Variants in PLEKHA7 observed in about 807,000 individuals in gnomAD.
PLEKHA7 encodes the protein pleckstrin homology domain-containing family A member 7.
A neutral mutation model predicts 170.0 loss-of-function variants in PLEKHA7; 104 were observed. The observed-to-expected ratio is 0.61, with a 90% CI of 0.52 to 0.72. The LOEUF (loss-of-function observed/expected upper bound fraction) is 0.72. Among genes scored for constraint, PLEKHA7 ranks in the 30% least tolerant of loss-of-function variants. The pLI, the probability that PLEKHA7 is intolerant of heterozygous loss-of-function variation, is 0.00. For synonymous variants in PLEKHA7, 648 were observed against 660.8 expected (o/e 0.98, Z 0.30); for missense variants, 1,615 against 1,671.7 (o/e 0.97, Z 0.59).
In PLEKHA7 at chr11:16,869,112, C is replaced by T. The variant is rs1216770396; in HGVS notation, c.305+1987G>A. ...ATTCTATAAACAAATTCATTCTGAG[C>T]GGAATTTGGGGAATCCACATATCCT... is the stretch of plus-strand genomic sequence containing the variant. On this transcript the variant is annotated intron_variant, in intron 4 of 26. Coordinates refer to ENST00000531066, the MANE Select transcript of PLEKHA7 (RefSeq NM_001329630.2). 2.0e-5 allele frequency among the ~76,000 whole-genome samples: 3 copies of T among 152,298 alleles called. No individual in the cohort carries two copies. In the East Asian group the frequency reaches 5.8e-4, roughly 29 times the overall value.
chr11:16,955,535 C>T (rs1007723848), intron 3 of PLEKHA7, among the ~76,000 whole-genome samples: 5 of 152,110 alleles, frequency 3.3e-5, no homozygotes, highest in Non-Finnish European at 5.9e-5. Flanking sequence ...TAGGTGTTTG[C>T]GTTAATCAAA....
In PLEKHA7 at chr11:16,789,434, G is replaced by C; in HGVS notation, c.3157-138C>G. Reference sequence around the variant, plus strand: ...TCTAGTTGGGCTCCTCTTGGCCTTAGAGAACTATTTCCTCTAAGCAACACG... The same window carrying C: ...TCTAGTTGGGCTCCTCTTGGCCTTACAGAACTATTTCCTCTAAGCAACACG... On this transcript the variant is annotated intron_variant, in intron 22 of 26. Transcript: ENST00000531066. The surrounding 1 kb of genome is among the most constrained non-coding windows in gnomAD (Gnocchi z 4.6). 2.5e-6 allele frequency: 2 copies of C among 800,960 alleles called. No homozygotes were observed. Among genetic ancestry groups the C allele is most frequent in the Non-Finnish European group, 4.0e-6 (2 of 500,804 alleles). 49.6% of individuals were successfully genotyped at this position (800,960 alleles called of 1,614,324 possible).
chr11:16,917,847 A>G (rs1858807599), intron 3 of PLEKHA7, among the ~76,000 whole-genome samples: 1 of 152,246 alleles, frequency 6.6e-6, no homozygotes, highest in Non-Finnish European at 1.5e-5. Flanking sequence ...GCCTTGTGCA[A>G]GAGGCCATGC....
intron 3 of PLEKHA7, among the ~76,000 whole-genome samples, chr11:16,979,712 T>C (rs1323313112): frequency 1.3e-5 from 2 of 151,036 alleles, no homozygotes; most frequent in Admixed American, 1.3e-4. Context: ...GTCAGCAAGA[T>C]TAAAAAAAAA....
chr11:16,913,736 G>A (rs753273236), intron 3 of PLEKHA7, among the ~76,000 whole-genome samples: 51 of 152,234 alleles, frequency 3.4e-4, no homozygotes, highest in Non-Finnish European at 6.0e-4. Flanking sequence ...CTGTCCGCCA[G>A]GAAGCAAGTG....
chr11:16,801,143 C>G, intron 16 of PLEKHA7, 68 bp from the exon 17 acceptor site: 1 of 1,351,806 alleles, frequency 7.4e-7, no homozygotes, highest in Non-Finnish European at 1.1e-6. Flanking sequence ...TCACGAACAC[C>G]TGTACTCCTG....
At chr11:16,976,885 G>A (rs963406923) in intron 3 of PLEKHA7, among the ~76,000 whole-genome samples, 3 of 152,050 alleles carry the variant, frequency 2.0e-5, no homozygotes, top group Admixed American at 6.6e-5. Context: ...ATAAATAATT[G>A]CTGAATGGAT....
chr11:16,848,009 G>A (rs1852598961), intron 8 of PLEKHA7, among the ~76,000 whole-genome samples: 1 of 152,164 alleles, frequency 6.6e-6, no homozygotes. Context: ...AACAGCCAAT[G>A]CTTACAGAGC....
At chr11:16,790,226 A>C in intron 21 of PLEKHA7, 1 of 295,976 alleles carries the variant, frequency 3.4e-6, no homozygotes. Flanking sequence ...TGCACAACCC[A>C]ACTTGGGGTG....
intron 5 of PLEKHA7, 157 bp downstream of exon 5, chr11:16,855,646 C>T (rs1853374159): frequency 6.3e-6 from 4 of 635,742 alleles, no homozygotes; most frequent in South Asian, 5.7e-5. Flanking sequence ...GGACATATCC[C>T]TCTTGGCCTC....
chr11:16,798,133 A>T (rs1848360211), intron 17 of PLEKHA7, among the ~76,000 whole-genome samples: 1 of 152,242 alleles, frequency 6.6e-6, no homozygotes. Context: ...ACCTGACTAC[A>T]GGGAGGCGAA....
chr11:16,998,703 T>TTAC (rs1864487744), intron 3 of PLEKHA7, among the ~76,000 whole-genome samples: 1 of 81,714 alleles, frequency 1.2e-5, no homozygotes, highest in Non-Finnish European at 2.6e-5. Flanking sequence ...AAAAAAAATA[T>TTAC]TCAAAACCTC....
At chr11:16,861,598 G>A (rs995861371) in intron 4 of PLEKHA7, among the ~76,000 whole-genome samples, 1 of 152,126 alleles carries the variant, frequency 6.6e-6, no homozygotes, top group Non-Finnish European at 1.5e-5. Context: ...GTAGTGAGCC[G>A]AGATCACGTC....
At chr11:16,834,602 T>C (rs1448807692) in intron 9 of PLEKHA7, among the ~76,000 whole-genome samples, 1 of 152,250 alleles carries the variant, frequency 6.6e-6, no homozygotes. Flanking sequence ...AGTTGTTTTC[T>C]GATATGCCCT....
intron 3 of PLEKHA7, among the ~76,000 whole-genome samples, chr11:16,877,309 A>G (rs1325600141): frequency 1.3e-5 from 2 of 152,142 alleles, no homozygotes; most frequent in Non-Finnish European, 1.5e-5. Flanking sequence ...TAACCTAATA[A>G]TGTTCCTAGT....
chr11:16,999,327 C>A (rs1338554239), intron 3 of PLEKHA7, among the ~76,000 whole-genome samples: 1 of 151,854 alleles, frequency 6.6e-6, no homozygotes, highest in Non-Finnish European at 1.5e-5. Flanking sequence ...AACTTGTCAC[C>A]CCAGGCCCTC....
chr11:16,817,414 A>T lies in PLEKHA7; in HGVS notation c.1344-92T>A. On this transcript the variant is annotated intron_variant, in intron 10 of 26. Transcript: ENST00000531066. This position sits in a 1 kb window ranked among gnomAD's most constrained non-coding sequence, Gnocchi z 4.4. Reference sequence around the variant, plus strand: ...TCTAAGTAAACCCACAAAGCTGGGCATGTGGGACAGTCCTGTAAGAACCTC... The same window carrying T: ...TCTAAGTAAACCCACAAAGCTGGGCTTGTGGGACAGTCCTGTAAGAACCTC... 1 of 1,304,142 alleles carries T rather than the reference A, an allele frequency of 7.7e-7. No homozygotes were observed. The highest frequency in any genetic ancestry group is 1.9e-4 in the Middle Eastern group (1 of 5,248). 80.8% of individuals were successfully genotyped at this position (1,304,142 alleles called of 1,614,324 possible).
chr11:16,908,656 C>A (rs1390294315), intron 3 of PLEKHA7, among the ~76,000 whole-genome samples: 1 of 152,050 alleles, frequency 6.6e-6, no homozygotes. Flanking sequence ...CCACCATGCC[C>A]AGGTAATTTT....
In PLEKHA7 at chr11:16,801,831, G is replaced by C. The variant is rs539239120; in HGVS notation, c.2158-14C>G. 1.9e-6 allele frequency: 3 copies of C among 1,613,214 alleles called. No individual in the cohort carries two copies. The South Asian group carries it at 3.3e-5, about 18-fold the overall frequency. On this transcript the variant is annotated splice_polypyrimidine_tract_variant and intron_variant, in intron 15 of 26. Transcript: ENST00000531066. ...TTCTAGCTGGTCCTGCACCACGAAG[G>C]GCCAAAAAACAGCAGGATAGGAGGA...
Sources: allele counts gnomAD v4.1 joint callset (sites outside exome capture counted in the v4.1 genomes callset), GRCh38; gene constraint gnomAD v4.1.1; non-coding constraint Gnocchi (gnomAD v3.1); transcripts MANE v1.5; gene names NCBI Gene and HGNC (gene_info 2026-07-23, HGNC 2026-07-21).